FTO: variants seen among roughly 807,000 people sequenced by gnomAD.
The protein encoded by FTO is alpha-ketoglutarate-dependent dioxygenase FTO.
Under a neutral mutation model 63.9 loss-of-function variants are expected in FTO, and 47 were observed. The observed-to-expected ratio is 0.74, with a 90% CI of 0.58 to 0.94. FTO has a LOEUF of 0.94. FTO is among the 40% of genes least tolerant of loss of function. The pLI, the probability that FTO is intolerant of heterozygous loss-of-function variation, is 0.00. For synonymous variants in FTO, 207 were observed against 224.4 expected, an observed-to-expected ratio of 0.92 and a Z score of 0.69; for missense variants, 562 against 618.1, an observed-to-expected ratio of 0.91 and a Z score of 0.96.
chr16:53,913,776 C>G (rs1216897788), intron 7 of FTO, among the ~76,000 whole-genome samples: 1 of 152,038 alleles, frequency 6.6e-6, no homozygotes, highest in Non-Finnish European at 1.5e-5. Flanking sequence ...GTCAGGAGTT[C>G]AAGACCAGCT....
At chr16:53,841,736 G>GT (rs1362451645) in intron 3 of FTO, among the ~76,000 whole-genome samples, 2 of 152,176 alleles carry the variant, frequency 1.3e-5, no homozygotes. Context: ...TGGGATGCAT[G>GT]TATTTTTTAA....
chr16:53,936,267 C>T (rs1423736633), intron 8 of FTO, among the ~76,000 whole-genome samples: 3 of 152,134 alleles, frequency 2.0e-5, no homozygotes, highest in Non-Finnish European at 4.4e-5. Context: ...TGTGCAGACC[C>T]CCTTAAAACT....
At chr16:53,909,667 G>A (rs749286181) in intron 7 of FTO, among the ~76,000 whole-genome samples, 2 of 148,852 alleles carry the variant, frequency 1.3e-5, no homozygotes, top group Non-Finnish European at 3.0e-5. Flanking sequence ...AGGTTCAAGC[G>A]ATTCTTCTGC....
At chr16:53,859,684 A>T (rs1304342194) in intron 4 of FTO, among the ~76,000 whole-genome samples, 1 of 152,094 alleles carries the variant, frequency 6.6e-6, no homozygotes, top group Non-Finnish European at 1.5e-5. Flanking sequence ...TGTATATGAA[A>T]ATGTGCTCAA....
At position 53,760,952 on chromosome 16, in the gene FTO, G is replaced by C. The variant is rs2151601734; in HGVS notation, c.46-49188G>C. Among the ~76,000 whole-genome samples, 2 of 151,922 alleles carry C rather than the reference G, an allele frequency of 1.3e-5. 1 individual carries two copies. The highest frequency in any genetic ancestry group is 4.2e-4 in the South Asian group (2 of 4,794). On this transcript the variant is annotated intron_variant, in intron 1 of 8. Coordinates refer to ENST00000471389, the MANE Select transcript of FTO (RefSeq NM_001080432.3). ...TGCTCTTATCTTTCACATTGACTTT[G>C]ACGATTTATTTTTATTGTTGTTATT...
chr16:53,908,705 C>T (rs1386615026), intron 7 of FTO, among the ~76,000 whole-genome samples: 1 of 152,200 alleles, frequency 6.6e-6, no homozygotes, highest in African/African-American at 2.4e-5. Context: ...ATGCCACTTT[C>T]TTATTCTTCT....
intron 8 of FTO, among the ~76,000 whole-genome samples, chr16:54,051,154 C>T (rs775719708): frequency 5.3e-5 from 8 of 152,302 alleles, no homozygotes; most frequent in South Asian, 2.1e-4. Context: ...CAACTGCTAA[C>T]GGTTACTGCC....
chr16:54,072,015 T>C (rs1271828732), intron 8 of FTO: 1 of 152,196 alleles, frequency 6.6e-6, no homozygotes, highest in African/African-American at 2.4e-5. Flanking sequence ...TGTTTAGTAA[T>C]TAAAATTTTT....
intron 8 of FTO, chr16:54,052,732 T>C (rs1277289316): frequency 6.6e-6 from 1 of 152,234 alleles, no homozygotes; most frequent in Non-Finnish European, 1.5e-5. Context: ...CTTTTTTTTT[T>C]TGAGACAGGG....
intron 8 of FTO, among the ~76,000 whole-genome samples, chr16:54,042,151 A>G (rs1180527175): frequency 6.6e-6 from 1 of 151,860 alleles, no homozygotes; most frequent in Non-Finnish European, 1.5e-5. Flanking sequence ...TCCCAGCGTG[A>G]GTGACGCAGA....
chr16:53,840,433 C>CTCAA (rs2079442296), intron 3 of FTO, among the ~76,000 whole-genome samples: 1 of 152,208 alleles, frequency 6.6e-6, no homozygotes, highest in East Asian at 1.9e-4. Context: ...TTTATGCAGC[C>CTCAA]TCAACTTCTT....
Position 53,904,567 on chromosome 16 carries a change from G to A in FTO, c.1239+15616G>A, listed in dbSNP as rs899301456. Among the ~76,000 whole-genome samples the A allele has an allele frequency of 2.6e-5, 4 of 152,166 alleles. 1 individual carries two copies. Among genetic ancestry groups the A allele is most frequent in the Non-Finnish European group, 4.4e-5 (3 of 68,038 alleles). Reference sequence around the variant, plus strand: ...GCGTGACATGCAGTGATGTTATTACGTGGTGGAACTGAGTTCCACACGGGA... The same window carrying A: ...GCGTGACATGCAGTGATGTTATTACATGGTGGAACTGAGTTCCACACGGGA... On this transcript the variant is annotated intron_variant, in intron 7 of 8. Transcript: ENST00000471389.
intron 7 of FTO, among the ~76,000 whole-genome samples, chr16:53,913,765 G>C (rs1476740365): frequency 6.6e-6 from 1 of 152,038 alleles, no homozygotes; most frequent in East Asian, 1.9e-4. Flanking sequence ...GATCACCTGA[G>C]GTCAGGAGTT....
chr16:53,850,988 T>A (rs1373434716), intron 4 of FTO, among the ~76,000 whole-genome samples: 3 of 152,072 alleles, frequency 2.0e-5, no homozygotes, highest in African/African-American at 7.2e-5. Context: ...AAAACTATTT[T>A]AAAAAAAGAA....
At position 53,968,020 on chromosome 16, in the gene FTO, T is replaced by C. The variant is rs1160426304; in HGVS notation, c.1364+33911T>C. Reference sequence around the variant, plus strand: ...TTGTTTTAATTTATATGTATGTATATGTGTGTGTTCACATATTATGCAGCC... The same window carrying C: ...TTGTTTTAATTTATATGTATGTATACGTGTGTGTTCACATATTATGCAGCC... On this transcript the variant is annotated intron_variant, in intron 8 of 8. Transcript: ENST00000471389. Among the ~76,000 whole-genome samples, 8 of 152,258 alleles carry C rather than the reference T, an allele frequency of 5.3e-5. No individual in the cohort carries two copies. In the East Asian group the frequency reaches 1.5e-3, roughly 29 times the overall value.
chr16:53,856,399 G>C (rs1222937586), intron 4 of FTO, among the ~76,000 whole-genome samples: 1 of 149,604 alleles, frequency 6.7e-6, no homozygotes, highest in Non-Finnish European at 1.5e-5. Context: ...CAAATAAATA[G>C]GACAGCACAC....
chr16:53,794,685 C>G (rs947790621), intron 1 of FTO, among the ~76,000 whole-genome samples: 2 of 152,260 alleles, frequency 1.3e-5, no homozygotes, highest in Middle Eastern at 3.4e-3. Context: ...GCAACTGAAT[C>G]AGGCTGACTG....
At chr16:53,824,068 A>G (rs1002911118) in intron 2 of FTO, among the ~76,000 whole-genome samples, 1 of 152,208 alleles carries the variant, frequency 6.6e-6, no homozygotes, top group African/African-American at 2.4e-5. Context: ...TTCCACGCTC[A>G]CATGTGCCTC....
At chr16:53,866,939 T>C (rs2080334459) in intron 4 of FTO, among the ~76,000 whole-genome samples, 1 of 152,096 alleles carries the variant, frequency 6.6e-6, no homozygotes, top group Non-Finnish European at 1.5e-5. Flanking sequence ...TTTCACAAAG[T>C]AGAAGCTTAG....
Sources: gnomAD v4.1 joint callset for allele counts (sites outside exome capture counted in the v4.1 genomes callset) on GRCh38, gnomAD v4.1.1 for gene constraint, MANE v1.5 for transcripts, NCBI Gene and HGNC (gene_info 2026-07-23, HGNC 2026-07-21) for gene names.